The following CNNM2 variants were observed in gnomAD, a reference collection of about 807,000 sequenced individuals.
The protein encoded by CNNM2 is metal transporter CNNM2.
CNNM2 carries 12 observed loss-of-function variants against 66.9 expected under a neutral mutation model. That is an observed-to-expected ratio of 0.18 (90% confidence interval 0.11 to 0.29). The LOEUF is 0.29. Among genes scored for constraint, CNNM2 ranks in the 10% least tolerant of loss-of-function variants. CNNM2 has a pLI of 1.00. For synonymous variants in CNNM2, 557 were observed against 501.8 expected, an observed-to-expected ratio of 1.11 and a Z score of -1.47; for missense variants, 705 against 1,167.7, an observed-to-expected ratio of 0.60 and a Z score of 5.77.
At position 103,029,487 on chromosome 10, in the gene CNNM2, A is replaced by G. The variant is rs578159882; in HGVS notation, c.1622-20220A>G. Among the ~76,000 whole-genome samples the G allele has an allele frequency of 3.2e-4, 48 of 151,400 alleles. 1 individual carries two copies. The highest frequency in any genetic ancestry group is 4.6e-4 in the Non-Finnish European group (31 of 67,850). Reference sequence around the variant, plus strand: ...TCAAAATAAATAAATAAATACATAAATAATCTACCAGACACTGTGCTAGTT... The same window carrying G: ...TCAAAATAAATAAATAAATACATAAGTAATCTACCAGACACTGTGCTAGTT... On this transcript the variant is annotated intron_variant, in intron 1 of 7. Coordinates refer to ENST00000369878, the MANE Select transcript of CNNM2 (RefSeq NM_017649.5).
At chr10:102,953,701 A>C (rs1846925095) in intron 1 of CNNM2, among the ~76,000 whole-genome samples, 1 of 152,074 alleles carries the variant, frequency 6.6e-6, no homozygotes, top group Non-Finnish European at 1.5e-5. Flanking sequence ...CTGCGACCAC[A>C]GGCACGTGCC....
Position 103,085,919 on chromosome 10 carries a change from T to C in CNNM2, c.*8739T>C, listed in dbSNP as rs2065801403. ...TCCAGGTTAAAGAATAGAAAAGCTT[T>C]TTACTCATTCTATAAATGAACATGC... On this transcript the variant is annotated 3_prime_UTR_variant, in exon 8 of 8. Transcript: ENST00000369878. The C allele has an allele frequency of 6.6e-6, 1 of 151,898 alleles. No homozygotes were observed. Among genetic ancestry groups the C allele is most frequent in the Non-Finnish European group, 1.5e-5 (1 of 67,860 alleles). 9.4% of individuals were successfully genotyped at this position (151,898 alleles called of 1,614,324 possible). A position where few individuals can be genotyped will look rare whatever the true frequency, so the allele number is the denominator to read the frequency against.
intron 1 of CNNM2, among the ~76,000 whole-genome samples, chr10:102,930,660 AT>A (rs1846032867): frequency 6.6e-6 from 1 of 152,152 alleles, no homozygotes; most frequent in African/African-American, 2.4e-5. Flanking sequence ...CTTACAGAAC[AT>A]TTTCATCACC....
chr10:102,927,743 ACT>A (rs922509128), intron 1 of CNNM2: 5 of 247,246 alleles, frequency 2.0e-5, no homozygotes, highest in African/African-American at 1.1e-4. Context: ...ACAAAGTGAG[ACT>A]CTGTCTCAAA....
intron 1 of CNNM2, among the ~76,000 whole-genome samples, chr10:102,948,058 C>CA (rs1251045211): frequency 6.6e-6 from 1 of 151,828 alleles, no homozygotes; most frequent in Non-Finnish European, 1.5e-5. Flanking sequence ...TCTCAAAAAA[C>CA]AAAAAAACAA....
intron 1 of CNNM2, among the ~76,000 whole-genome samples, chr10:103,015,516 C>T (rs1176545779): frequency 2.0e-5 from 3 of 152,076 alleles, no homozygotes; most frequent in Non-Finnish European, 4.4e-5. Context: ...AATTCCATAC[C>T]GAGGACCATC....
At chr10:103,000,451 A>T (rs1346516825) in intron 1 of CNNM2, among the ~76,000 whole-genome samples, 3 of 151,614 alleles carry the variant, frequency 2.0e-5, no homozygotes, top group Non-Finnish European at 2.9e-5. Flanking sequence ...GTTTTATTTT[A>T]TTTTATTTTT....
intron 1 of CNNM2, among the ~76,000 whole-genome samples, chr10:102,939,697 G>A (rs1263993901): frequency 6.6e-6 from 1 of 151,998 alleles, no homozygotes; most frequent in Non-Finnish European, 1.5e-5. Flanking sequence ...AAGAACTGGC[G>A]GCCAGGCGCA....
chr10:102,919,948 A>G lies in CNNM2; in HGVS notation c.1468A>G (p.Asn490Asp), dbSNP rs377103063. 3 of 1,614,226 alleles carry G rather than the reference A, an allele frequency of 1.9e-6. No homozygotes were observed. Among genetic ancestry groups the G allele is most frequent in the Non-Finnish European group, 2.5e-6 (3 of 1,180,040 alleles). ...TCCAGTGTTTGAAGGGGAGCGCTCC[A>G]ATATCGTGGACCTGCTGTTTGTCAA... ...RIPVFEGERS[N>D]IVDLLFVKDL... The change falls in exon 1 of 8, where the codon AAT becomes GAT. Residue 490 changes from asparagine to aspartate, a missense_variant. Asn to Asp is a conservative substitution (Grantham distance 23). Around this residue, in one of 9 missense-constraint regions of CNNM2, gnomAD observed 171 missense variants for 304.8 expected, o/e 0.56. Transcript: ENST00000369878.
At chr10:103,067,414 TC>T (rs2065498259) in intron 4 of CNNM2, among the ~76,000 whole-genome samples, 1 of 152,080 alleles carries the variant, frequency 6.6e-6, no homozygotes, top group African/African-American at 2.4e-5. Flanking sequence ...ATCTTGCTGA[TC>T]CCCCCTCCCC....
Position 102,918,649 on chromosome 10 carries a change from T to C in CNNM2, c.169T>C (p.Cys57Arg). The change falls in exon 1 of 8, where the codon TGC (cysteine) becomes CGC (arginine). Residue 57 changes from cysteine (C) to arginine (R), a missense_variant. Physicochemically the swap from Cys to Arg is radical, Grantham distance 180. Transcript: ENST00000369878. This position sits in a 1 kb window ranked among gnomAD's most constrained non-coding sequence, Gnocchi z 4.1. The stretch of plus-strand genomic sequence containing the variant: ...GCTGCCGCTGCTCCTGCTGAGCTGC[T>C]GCTGCGGTGCGGGCGGCTGCGCAGC... ...RLLPLLLLSC[C>R]CGAGGCAAVG... 1 of 1,549,148 alleles carries C rather than the reference T, an allele frequency of 6.5e-7. No homozygotes were observed. Among genetic ancestry groups the C allele is most frequent in the Non-Finnish European group, 8.7e-7 (1 of 1,147,242 alleles).
intron 1 of CNNM2, among the ~76,000 whole-genome samples, chr10:102,938,437 C>G (rs1846317168): frequency 6.7e-6 from 1 of 150,018 alleles, no homozygotes; most frequent in Non-Finnish European, 1.5e-5. Flanking sequence ...GAGCAACGCT[C>G]TGTCTCAAAA....
rs1206185587 is a variant in CNNM2, at chr10:102,985,398, A to G, written c.1622-64309A>G. ...TGAGTCCGGCAAAGGGGCTGAGAGA[A>G]TTTCTGTGTCAACATCATTGAGAAC... On this transcript the variant is annotated intron_variant, in intron 1 of 7. Coordinates refer to ENST00000369878, the MANE Select transcript of CNNM2 (RefSeq NM_017649.5). 2.0e-5 allele frequency among the ~76,000 whole-genome samples: 3 copies of G among 152,102 alleles called. No individual in the cohort carries two copies. The East Asian group carries it at 5.8e-4, about 29-fold the overall frequency.
chr10:102,942,962 C>T (rs1261883185), intron 1 of CNNM2, among the ~76,000 whole-genome samples: 2 of 152,164 alleles, frequency 1.3e-5, no homozygotes, highest in African/African-American at 2.4e-5. Flanking sequence ...GGCTGGTTCA[C>T]GCCTGTGATC....
intron 1 of CNNM2, among the ~76,000 whole-genome samples, chr10:103,004,062 G>A (rs1026123492): frequency 1.8e-4 from 23 of 128,072 alleles, no homozygotes; most frequent in African/African-American, 3.0e-4. Flanking sequence ...GCGCAATCTC[G>A]GCTCACTGCA....
Position 103,085,007 on chromosome 10 carries a change from T to C in CNNM2, c.*7827T>C, listed in dbSNP as rs2134381468. On this transcript the variant is annotated 3_prime_UTR_variant, in exon 8 of 8. Coordinates refer to ENST00000369878, the MANE Select transcript of CNNM2 (RefSeq NM_017649.5). ...TTTCCCTCCAAGGGCCTCATATCTG[T>C]GCTCTTATTTTCAAGCAGTCCCAGG... is the stretch of plus-strand genomic sequence containing the variant. 6.6e-6 allele frequency: 1 copy of C among 152,326 alleles called. No individual in the cohort carries two copies. Among genetic ancestry groups the C allele is most frequent in the Admixed American group, 6.5e-5 (1 of 15,294 alleles). The allele number at this position is 152,326 out of a possible 1,614,324, so 9.4% of individuals were successfully genotyped here.
At chr10:102,935,761 C>A (rs919735827) in intron 1 of CNNM2, among the ~76,000 whole-genome samples, 4 of 148,146 alleles carry the variant, frequency 2.7e-5, no homozygotes, top group Non-Finnish European at 4.5e-5. Context: ...CAGGCACACT[C>A]CACTGCACCT....
In CNNM2 at chr10:103,087,843, A is replaced by C. The variant is rs1215089339; in HGVS notation, c.*10663A>C. On this transcript the variant is annotated 3_prime_UTR_variant, in exon 8 of 8. Transcript: ENST00000369878. ...TTTAGAATGTATGTATGTTTCTTGGATGACTTAATCTGAAGCCATATAAGT... is the reference window on the plus strand; with the variant it reads ...TTTAGAATGTATGTATGTTTCTTGGCTGACTTAATCTGAAGCCATATAAGT... The C allele has an allele frequency of 1.3e-5, 2 of 152,234 alleles. No individual in the cohort carries two copies. Among genetic ancestry groups the C allele is most frequent in the Non-Finnish European group, 2.9e-5 (2 of 68,040 alleles). The allele number at this position is 152,234 out of a possible 1,614,324, so 9.4% of individuals were successfully genotyped here. A position where few individuals can be genotyped will look rare whatever the true frequency, so the allele number is the denominator to read the frequency against.
At chr10:102,975,161 A>G (rs1450902557) in intron 1 of CNNM2, among the ~76,000 whole-genome samples, 1 of 152,188 alleles carries the variant, frequency 6.6e-6, no homozygotes, top group Non-Finnish European at 1.5e-5. Flanking sequence ...TCCTGTTTGT[A>G]GGAGGTTGAA....
Sources: gnomAD v4.1 joint callset for allele counts (sites outside exome capture counted in the v4.1 genomes callset) on GRCh38, gnomAD v4.1.1 for gene constraint, gnomAD v4.1.1 regional missense constraint, Gnocchi (gnomAD v3.1) non-coding constraint, MANE v1.5 for transcripts, NCBI Gene and HGNC (gene_info 2026-07-23, HGNC 2026-07-21) for gene names.